DDX1: variants seen among roughly 807,000 people sequenced by gnomAD.
DDX1 encodes the protein ATP-dependent RNA helicase DDX1.
Under a neutral mutation model 108.7 loss-of-function variants are expected in DDX1, and 28 were observed. The ratio of observed to expected loss-of-function variants is 0.26; its 90% CI spans 0.19 to 0.35. The LOEUF is 0.35. DDX1 is among the 10% of genes least tolerant of loss of function. The pLI, the probability that DDX1 is intolerant of heterozygous loss-of-function variation, is 1.00. For missense variants in DDX1, 710 were observed against 884.5 expected (o/e 0.80, Z 2.50); for synonymous variants, 295 against 288.9 (o/e 1.02, Z -0.21).
At chr2:15,592,826 G>C (rs1665437066) in intron 1 of DDX1, among the ~76,000 whole-genome samples, 1 of 149,064 alleles carries the variant, frequency 6.7e-6, no homozygotes, top group Non-Finnish European at 1.5e-5. Flanking sequence ...GATGACTTCA[G>C]ATGTAGTATT....
chr2:15,616,384 A>G (rs1665893719), intron 14 of DDX1, among the ~76,000 whole-genome samples: 1 of 152,196 alleles, frequency 6.6e-6, no homozygotes, highest in African/African-American at 2.4e-5. Context: ...ATATTAAGTA[A>G]CTTACCTAAG....
In DDX1 at chr2:15,621,970, A is replaced by C. The variant is rs117912691; in HGVS notation, c.1447+854A>C. On this transcript the variant is annotated intron_variant, in intron 18 of 25. Coordinates refer to ENST00000233084, the MANE Select transcript of DDX1 (RefSeq NM_004939.3). Reference sequence around the variant, plus strand: ...CACCCAGCCACAAATATTTTTGATTATCTAATTCTCATCATAGGAAAACAG... The same window carrying C: ...CACCCAGCCACAAATATTTTTGATTCTCTAATTCTCATCATAGGAAAACAG... 8.4e-4 allele frequency among the ~76,000 whole-genome samples: 128 copies of C among 152,340 alleles called. No homozygotes were observed. In the East Asian group the frequency reaches 0.012, roughly 14 times the overall value.
intron 5 of DDX1, among the ~76,000 whole-genome samples, chr2:15,598,810 G>A (rs971418107): frequency 3.9e-5 from 6 of 152,092 alleles, no homozygotes; most frequent in Admixed American, 6.5e-5. Context: ...TAGTTTATAC[G>A]TATACATACA....
intron 16 of DDX1, among the ~76,000 whole-genome samples, chr2:15,619,431 G>T (rs993598498): frequency 3.3e-5 from 5 of 152,024 alleles, no homozygotes; most frequent in East Asian, 1.9e-4. Flanking sequence ...GGGATGCGGG[G>T]CACAGGGAAC....
intron 3 of DDX1, among the ~76,000 whole-genome samples, chr2:15,596,008 C>A (rs1399501509): frequency 6.6e-6 from 1 of 152,084 alleles, no homozygotes; most frequent in East Asian, 1.9e-4. Flanking sequence ...TTTCAGCCTC[C>A]CAATTAGGTG....
At chr2:15,619,509 A>G (rs1665955812) in intron 16 of DDX1, among the ~76,000 whole-genome samples, 1 of 152,248 alleles carries the variant, frequency 6.6e-6, no homozygotes, top group African/African-American at 2.4e-5. Flanking sequence ...CGCTGCAGCC[A>G]GCTTGATGGC....
At chr2:15,613,025 AGAGGGAGAGGGGGAGGGG>A (rs1665804903) in intron 13 of DDX1, among the ~76,000 whole-genome samples, 181 bp from the exon 14 acceptor site, 2 of 146,134 alleles carry the variant, frequency 1.4e-5, no homozygotes, top group African/African-American at 2.5e-5. Context: ...GACCGTGGGG[AGAGGGAGAGGGGGAGGGG>A]GAGGGAGAGG....
chr2:15,597,585 G>T, intron 5 of DDX1, 114 bp downstream of exon 5: 1 of 680,714 alleles, frequency 1.5e-6, no homozygotes, highest in South Asian at 2.0e-5. Context: ...TATCTGGGGG[G>T]TGGTATTGGG....
intron 18 of DDX1, 23 bp downstream of exon 18, chr2:15,621,139 G>C: frequency 1.3e-6 from 2 of 1,571,738 alleles, no homozygotes; most frequent in Non-Finnish European, 1.7e-6. Context: ...AGTCAAATGT[G>C]TTGAAAGATT....
At chr2:15,611,535 C>T (rs1426915989) in intron 13 of DDX1, among the ~76,000 whole-genome samples, 6 of 141,042 alleles carry the variant, frequency 4.3e-5, no homozygotes, top group East Asian at 2.8e-4. Flanking sequence ...ACCTCCCTCC[C>T]GGACGGGGCG....
Position 15,596,725 on chromosome 2 carries a change from CTCAT to C in DDX1, c.133-5_133-2del, listed in dbSNP as rs1446786412. The C allele has an allele frequency of 6.2e-7, 1 of 1,610,268 alleles. No homozygotes were observed. Among genetic ancestry groups the C allele is most frequent in the Non-Finnish European group, 8.5e-7 (1 of 1,177,586 alleles). On this transcript the variant is annotated splice_region_variant and splice_polypyrimidine_tract_variant and intron_variant, in intron 3 of 25. Transcript: ENST00000233084. ...AATCTGTAAAATCAACTTTTTTCCC[CTCAT>C]TCAGGCTGCAGAAACAGGAAGTGGC... is the stretch of plus-strand genomic sequence containing the variant.
intron 13 of DDX1, among the ~76,000 whole-genome samples, chr2:15,612,199 T>A (rs1196712028): frequency 6.7e-6 from 1 of 150,036 alleles, no homozygotes; most frequent in Non-Finnish European, 1.5e-5. Flanking sequence ...GACCCCCACC[T>A]CCTTCCTGGA....
Position 15,619,693 on chromosome 2 carries a change from T to C in DDX1, c.1207-515T>C, listed in dbSNP as rs115600449. ...CAGTCTTAAAAGCTGCTTTTAGAAATAGAAGGAAATTTGAGGAAATTACTT... is the reference window on the plus strand; with the variant it reads ...CAGTCTTAAAAGCTGCTTTTAGAAACAGAAGGAAATTTGAGGAAATTACTT... On this transcript the variant is annotated intron_variant, in intron 16 of 25. Transcript: ENST00000233084. Among the ~76,000 whole-genome samples the C allele has an allele frequency of 3.3e-3, 504 of 152,340 alleles. 4 individuals are homozygous for C. Among genetic ancestry groups the C allele is most frequent in the African/African-American group, 0.012 (489 of 41,580 alleles).
intron 14 of DDX1, among the ~76,000 whole-genome samples, 158 bp from the exon 15 acceptor site, chr2:15,617,086 G>A (rs768226694): frequency 4.7e-5 from 7 of 148,468 alleles, no homozygotes; most frequent in Non-Finnish European, 8.9e-5. Context: ...TGAACATATG[G>A]CATTATCTGT....
intron 5 of DDX1, among the ~76,000 whole-genome samples, chr2:15,598,325 A>G (rs923180015): frequency 3.9e-5 from 6 of 152,176 alleles, no homozygotes; most frequent in African/African-American, 1.4e-4. Context: ...TATTTACACT[A>G]TTGGCCTATT....
At chr2:15,623,178 G>T (rs1446602986) in intron 18 of DDX1, among the ~76,000 whole-genome samples, 1 of 152,020 alleles carries the variant, frequency 6.6e-6, no homozygotes, top group African/African-American at 2.4e-5. Flanking sequence ...CTCATAAGGG[G>T]TACGGTTATG....
chr2:15,606,930 G>A (rs1443775534), intron 12 of DDX1, among the ~76,000 whole-genome samples: 2 of 152,048 alleles, frequency 1.3e-5, no homozygotes, highest in Admixed American at 6.6e-5. Flanking sequence ...TCAAGTGATC[G>A]TCCCACCTTG....
chr2:15,619,045 G>A (rs1047599497), intron 16 of DDX1, among the ~76,000 whole-genome samples: 6 of 152,180 alleles, frequency 3.9e-5, no homozygotes, highest in East Asian at 3.9e-4. Flanking sequence ...GTCTGGGTCC[G>A]CAGCCATAAC....
chr2:15,600,764 TTTG>T (rs1665577974), intron 6 of DDX1, among the ~76,000 whole-genome samples: 3 of 144,954 alleles, frequency 2.1e-5, no homozygotes, highest in Admixed American at 6.9e-5. Context: ...TTTTTTTTTT[TTTG>T]AGACAGAGTC....
Sources: gnomAD v4.1 joint callset for allele counts (sites outside exome capture counted in the v4.1 genomes callset) on GRCh38, gnomAD v4.1.1 for gene constraint, MANE v1.5 for transcripts, NCBI Gene and HGNC (gene_info 2026-07-23, HGNC 2026-07-21) for gene names.